The following RIPOR1 variants were observed in gnomAD, a reference collection of about 807,000 sequenced individuals.
RIPOR1 encodes the protein RHO family interacting cell polarization regulator 1, also known as rho family-interacting cell polarization regulator 1.
A neutral mutation model predicts 116.5 loss-of-function variants in RIPOR1; 58 were observed. That is an observed-to-expected ratio of 0.50 (90% CI 0.40 to 0.62). The LOEUF (loss-of-function observed/expected upper bound fraction) is 0.62. Ranked by LOEUF, RIPOR1 falls within the 20% of genes least tolerant of loss-of-function variation. RIPOR1 has a pLI of 0.00. For missense variants in RIPOR1, 1,372 were observed against 1,586.2 expected, an observed-to-expected ratio of 0.86 and a Z score of 2.29; for synonymous variants, 605 against 650.0, an observed-to-expected ratio of 0.93 and a Z score of 1.05.
At chr16:67,523,401 C>T (rs1033026516) in intron 1 of RIPOR1, among the ~76,000 whole-genome samples, 1 of 151,608 alleles carries the variant, frequency 6.6e-6, no homozygotes, top group Non-Finnish European at 1.5e-5. Context: ...TGGCGCGTGC[C>T]TGTAACCCCA....
chr16:67,521,732 C>T (rs919050503), intron 1 of RIPOR1, among the ~76,000 whole-genome samples: 1 of 152,174 alleles, frequency 6.6e-6, no homozygotes, highest in African/African-American at 2.4e-5. Context: ...CAGCCTCAGG[C>T]GGTGTCCCCA....
rs141436514 is a variant in RIPOR1 at position 67,518,534 on chromosome 16, T to C, written c.-103T>C. The C allele has an allele frequency of 5.5e-3, 834 of 152,438 alleles. 9 individuals carry two copies. Among genetic ancestry groups the C allele is most frequent in the Non-Finnish European group, 8.9e-3 (603 of 68,112 alleles). The allele number at this position is 152,438 out of a possible 1,614,324, so 9.4% of individuals were successfully genotyped here. On this transcript the variant is annotated 5_prime_UTR_variant, in exon 1 of 2. Transcript: ENST00000562116. ...CAGGAGCCCACCAAGTCCCTTCTGGTTGAGGACCCTTGGGCCCTCAAGGAT... is the reference window on the plus strand; with the variant it reads ...CAGGAGCCCACCAAGTCCCTTCTGGCTGAGGACCCTTGGGCCCTCAAGGAT...
chr16:67,546,146 C>G lies in RIPOR1; in HGVS notation c.3477C>G (p.Pro1159=). 6.2e-7 allele frequency: 1 copy of G among 1,613,930 alleles called. No homozygotes were observed. Among genetic ancestry groups the G allele is most frequent in the Non-Finnish European group, 8.5e-7 (1 of 1,179,984 alleles). ...GCLALGCIKA[P]EGIEPLVYLC... ...AATGCTCCCTCCCCTGACAGGCTCC[C>G]GAGGGCATTGAGCCCCTGGTGTACC... The change falls in exon 21 of 22, where the codon CCC becomes CCG. Residue 1159 remains proline (P), a synonymous_variant. Transcript: ENST00000042381.
chr16:67,519,997 G>C (rs1278475204), intron 1 of RIPOR1, among the ~76,000 whole-genome samples: 1 of 149,618 alleles, frequency 6.7e-6, no homozygotes, highest in Non-Finnish European at 1.5e-5. Context: ...GGGAGGCAGA[G>C]GTTGCAGTGA....
Position 67,543,634 on chromosome 16 carries a change from G to A in RIPOR1, c.2600+165G>A, listed in dbSNP as rs2051071033. The A allele has an allele frequency of 1.1e-6, 1 of 912,792 alleles. No individual in the cohort carries two copies. Among genetic ancestry groups the A allele is most frequent in the South Asian group, 1.6e-5 (1 of 61,950 alleles). 56.5% of individuals were successfully genotyped at this position (912,792 alleles called of 1,614,324 possible). A position where few individuals can be genotyped will look rare whatever the true frequency, so the allele number is the denominator to read the frequency against. On this transcript the variant is annotated intron_variant, in intron 14 of 21. Coordinates refer to ENST00000042381, the MANE Select transcript of RIPOR1 (RefSeq NM_024519.4). This position sits in a 1 kb window ranked among gnomAD's most constrained non-coding sequence, Gnocchi z 4.7. ...GACTGAGTTGCTGGCAGGTGCACCT[G>A]TGTCCACCCCTCCCATGTCCTTCAT...
rs1384441867 is a variant in RIPOR1 at position 67,546,753 on chromosome 16, T to C, written c.*290T>C. 1 of 498,424 alleles carries C rather than the reference T, an allele frequency of 2.0e-6. No homozygotes were observed. Among genetic ancestry groups the C allele is most frequent in the Non-Finnish European group, 3.6e-6 (1 of 277,066 alleles). 30.9% of individuals were successfully genotyped at this position (498,424 alleles called of 1,614,324 possible). On this transcript the variant is annotated 3_prime_UTR_variant, in exon 22 of 22. Coordinates refer to ENST00000042381, the MANE Select transcript of RIPOR1 (RefSeq NM_024519.4). ...GGTTTTGTATTTTATTTACAGAGTT[T>C]TACAGAAAATAAAAAAGCAAAATGT...
chr16:67,538,891 G>A (rs2099290348), intron 3 of RIPOR1, 67 bp downstream of exon 3: 3 of 1,610,348 alleles, frequency 1.9e-6, no homozygotes, highest in Non-Finnish European at 1.7e-6. Context: ...CTGCTAGCAG[G>A]AACCTTCTCC....
upstream of RIPOR1, chr16:67,528,400 T>C (rs2050566857): frequency 6.6e-6 from 1 of 152,246 alleles, no homozygotes; most frequent in South Asian, 2.1e-4. Flanking sequence ...GGGCAGCGTC[T>C]GGACCCAGAA....
Position 67,531,756 on chromosome 16 carries a change from TG to T in RIPOR1, c.-24+2845del. ...CCTACGTGGGTCATGTTAGAGAGTC[TG>T]GGCTTTCTCCCTGGGACAAGAGTGG... On this transcript the variant is annotated intron_variant, in intron 1 of 21. Transcript: ENST00000042381. The surrounding 1 kb of genome is among the most constrained non-coding windows in gnomAD (Gnocchi z 4.2). 1 of 345,634 alleles carries T rather than the reference TG, an allele frequency of 2.9e-6. No homozygotes were observed. The highest frequency in any genetic ancestry group is 2.1e-5 in the South Asian group (1 of 47,060). The allele number at this position is 345,634 out of a possible 1,614,324, so 21.4% of individuals were successfully genotyped here. A position where few individuals can be genotyped will look rare whatever the true frequency, so the allele number is the denominator to read the frequency against.
chr16:67,538,941 C>G, intron 3 of RIPOR1, 49 bp from the exon 4 acceptor site: 5 of 1,611,040 alleles, frequency 3.1e-6, no homozygotes, highest in Non-Finnish European at 4.2e-6. Context: ...CCCTGGGCAG[C>G]ATGAGGCTGG....
chr16:67,542,108 A>G lies in RIPOR1; in HGVS notation c.1322A>G (p.His441Arg), dbSNP rs2051004882. 1 of 1,612,346 alleles carries G rather than the reference A, an allele frequency of 6.2e-7. No individual in the cohort carries two copies. The highest frequency in any genetic ancestry group is 8.5e-7 in the Non-Finnish European group (1 of 1,178,754). ...GAVAPVLANG[H>R]APYSRTLSHI... ...GTGGCCCCAGTCCTGGCAAATGGGC[A>G]TGCACCCTACAGTCGGACTCTGAGC... is the stretch of plus-strand genomic sequence containing the variant. The change falls in exon 13 of 22, where the codon CAT (histidine) becomes CGT (arginine). Residue 441 changes from histidine to arginine, a missense_variant. Transcript: ENST00000042381. This position sits in a 1 kb window ranked among gnomAD's most constrained non-coding sequence, Gnocchi z 4.6.
Position 67,540,437 on chromosome 16 carries a change from T to G in RIPOR1, c.632-21T>G. The stretch of plus-strand genomic sequence containing the variant: ...AACCCCAATATGGCTCACCGACTTC[T>G]CCCCTTCTCCTCCAACTCAGGGCTG... On this transcript the variant is annotated intron_variant, in intron 8 of 21. Coordinates refer to ENST00000042381, the MANE Select transcript of RIPOR1 (RefSeq NM_024519.4). The surrounding 1 kb of genome is among the most constrained non-coding windows in gnomAD (Gnocchi z 4.7). 4 of 1,614,140 alleles carry G rather than the reference T, an allele frequency of 2.5e-6. No individual in the cohort carries two copies. Among genetic ancestry groups the G allele is most frequent in the Non-Finnish European group, 3.4e-6 (4 of 1,180,026 alleles).
In RIPOR1 at chr16:67,541,970, G is replaced by A. The variant is rs756680934; in HGVS notation, c.1184G>A (p.Arg395His). 19 of 1,611,992 alleles carry A rather than the reference G, an allele frequency of 1.2e-5. No individual in the cohort carries two copies. In the South Asian group the frequency reaches 1.3e-4, roughly 11 times the overall value. Reference protein sequence around the residue: ...SSSPQLSGTARHSPAPRPLVQ... With the variant: ...SSSPQLSGTAHHSPAPRPLVQ... ...AGCCCACAGCTCTCAGGCACTGCCCGCCACTCACCAGCCCCTAGGCCCCTG... is the reference window on the plus strand; with the variant it reads ...AGCCCACAGCTCTCAGGCACTGCCCACCACTCACCAGCCCCTAGGCCCCTG... Residue 395 changes from arginine (R) to histidine (H), a missense_variant, in exon 13 of 22, where the codon CGC (arginine) becomes CAC (histidine). This residue lies in a region of RIPOR1 where 1,005 missense variants were observed against 1,144.7 expected (regional missense o/e 0.88). Transcript: ENST00000042381. This position sits in a 1 kb window ranked among gnomAD's most constrained non-coding sequence, Gnocchi z 4.6.
upstream of RIPOR1, among the ~76,000 whole-genome samples, chr16:67,527,843 C>T (rs2050558617): frequency 7.0e-6 from 1 of 142,200 alleles, no homozygotes; most frequent in African/African-American, 2.6e-5. Context: ...GCGACAGTGA[C>T]ACTCTGTCTC....
chr16:67,539,376 A>G, intron 4 of RIPOR1: 1 of 516,024 alleles, frequency 1.9e-6, no homozygotes, highest in Non-Finnish European at 3.5e-6. Flanking sequence ...GCTTCTTGGG[A>G]AGAGGTTAGG....
At chr16:67,524,124 C>T (rs548404839), upstream of RIPOR1, among the ~76,000 whole-genome samples, 10 of 152,272 alleles carry the variant, frequency 6.6e-5, no homozygotes, top group East Asian at 1.9e-4. Context: ...TAATGAGATG[C>T]GGCACTTCTT....
chr16:67,541,983 C>T lies in RIPOR1; in HGVS notation c.1197C>T (p.Ala399=), dbSNP rs772312429. The part of the protein sequence containing the change: ...QLSGTARHSP[A]PRPLVQQPEP... ...CAGGCACTGCCCGCCACTCACCAGC[C>T]CCTAGGCCCCTGGTGCAGCAGCCCG... Residue 399 remains alanine (A), a synonymous_variant, in exon 13 of 22, where the codon GCC becomes GCT. Coordinates refer to ENST00000042381, the MANE Select transcript of RIPOR1 (RefSeq NM_024519.4). The surrounding 1 kb of genome is among the most constrained non-coding windows in gnomAD (Gnocchi z 4.6). 1 of 1,612,426 alleles carries T rather than the reference C, an allele frequency of 6.2e-7. No individual in the cohort carries two copies. Among genetic ancestry groups the T allele is most frequent in the Middle Eastern group, 1.7e-4 (1 of 6,056 alleles).
In RIPOR1 at chr16:67,539,865, G is replaced by A. The variant is rs2050920878; in HGVS notation, c.380G>A (p.Arg127His). Residue 127 changes from arginine (R) to histidine (H), a missense_variant, in exon 6 of 22, where the codon CGC (arginine) becomes CAC (histidine). Physicochemically the swap from Arg to His is conservative, Grantham distance 29. Around this residue, in one of 3 missense-constraint regions of RIPOR1, gnomAD observed 202 missense variants for 295.9 expected, o/e 0.68. Transcript: ENST00000042381. ...CCCCAGCAAGTCAAGTCCATTGAAC[G>A]CTTCCTGCGACGACTGGAGTTCCAT... ...DLDKQVKSIE[R>H]FLRRLEFHAS... is the part of the protein sequence containing the mutation. The A allele has an allele frequency of 6.2e-7, 1 of 1,614,192 alleles. No homozygotes were observed. Among genetic ancestry groups the A allele is most frequent in the Non-Finnish European group, 8.5e-7 (1 of 1,180,036 alleles).
Position 67,544,631 on chromosome 16 carries a change from C to G in RIPOR1, c.2734-64C>G. The G allele has an allele frequency of 6.2e-7, 1 of 1,602,790 alleles. No individual in the cohort carries two copies. The highest frequency in any genetic ancestry group is 8.5e-7 in the Non-Finnish European group (1 of 1,177,918). On this transcript the variant is annotated intron_variant, in intron 15 of 21. Coordinates refer to ENST00000042381, the MANE Select transcript of RIPOR1 (RefSeq NM_024519.4). The surrounding 1 kb of genome is among the most constrained non-coding windows in gnomAD (Gnocchi z 5.1). ...CCCCAGTGCATGCTGGGACTTGTCC[C>G]TGAGCACGATCCTCCCGAGCCCTAC...
Sources: gnomAD v4.1 joint callset for allele counts (sites outside exome capture counted in the v4.1 genomes callset) on GRCh38, gnomAD v4.1.1 for gene constraint, gnomAD v4.1.1 regional missense constraint, Gnocchi (gnomAD v3.1) non-coding constraint, MANE v1.5 for transcripts, NCBI Gene and HGNC (gene_info 2026-07-23, HGNC 2026-07-21) for gene names.